Variants in DUSP18 observed in about 807,000 individuals in gnomAD.
DUSP18 encodes the protein dual specificity phosphatase 18, also known as dual specificity protein phosphatase 18.
Under a neutral mutation model 6.3 loss-of-function variants are expected in DUSP18, and 4 were observed. The ratio of observed to expected loss-of-function variants is 0.63; its 90% CI spans 0.31 to 1.45. DUSP18 has a LOEUF of 1.45. DUSP18 is among the 40% of genes most tolerant of loss of function. The pLI is 0.07. For synonymous variants in DUSP18, 96 were observed against 95.1 expected (o/e 1.01, Z -0.05); for missense variants, 235 against 247.7 (o/e 0.95, Z 0.34).
chr22:30,658,879 T>C (rs1417009134), downstream of DUSP18, among the ~76,000 whole-genome samples: 1 of 151,990 alleles, frequency 6.6e-6, no homozygotes, highest in Non-Finnish European at 1.5e-5. Context: ...GCGCGGTGGC[T>C]CACGCCTGTA....
At chr22:30,660,573 T>C (rs183534075), downstream of DUSP18, among the ~76,000 whole-genome samples, 3 of 152,306 alleles carry the variant, frequency 2.0e-5, no homozygotes, top group Admixed American at 1.3e-4. Context: ...CAGGACAGTA[T>C]GGTACAGAAA....
At chr22:30,658,555 G>A (rs948100479), downstream of DUSP18, among the ~76,000 whole-genome samples, 1 of 151,758 alleles carries the variant, frequency 6.6e-6, no homozygotes, top group Admixed American at 6.6e-5. Flanking sequence ...TGGCCCAAGA[G>A]TACACCCGCC....
At position 30,662,199 on chromosome 22, in the gene DUSP18, G is replaced by A. The variant is rs373828068; in HGVS notation, c.*1238C>T. On this transcript the variant is annotated 3_prime_UTR_variant, in exon 2 of 2. Coordinates refer to ENST00000334679, the MANE Select transcript of DUSP18 (RefSeq NM_152511.5). Reference sequence around the variant, plus strand: ...ATTCATGATGAGAGCTGCCATTTGCGCTAAGCACACACCATGTGCCAGGCA... The same window carrying A: ...ATTCATGATGAGAGCTGCCATTTGCACTAAGCACACACCATGTGCCAGGCA... 1.3e-5 allele frequency: 2 copies of A among 152,190 alleles called. No individual in the cohort carries two copies. The highest frequency in any genetic ancestry group is 4.8e-5 in the African/African-American group (2 of 41,436). 9.4% of individuals were successfully genotyped at this position (152,190 alleles called of 1,614,324 possible).
Position 30,663,765 on chromosome 22 carries a change from CA to C in DUSP18, c.238del (p.Cys80ValfsTer16), listed in dbSNP as rs751038688. ...PVADSPNSRLCDFFDPIADHI... is the reference protein window; with the variant it reads ...PVADSPNSRLXDFFDPIADHI... ...GTCAGCAATAGGGTCAAAGAAGTCA[CA>C]GAGACGTGAGTTAGGGGAGTCAGCC... On this transcript the variant is annotated frameshift_variant, in exon 2 of 2. Coordinates refer to ENST00000334679, the MANE Select transcript of DUSP18 (RefSeq NM_152511.5). LOFTEE classifies it high-confidence loss of function. The C allele has an allele frequency of 1.2e-6, 2 of 1,614,102 alleles. No homozygotes were observed. Among genetic ancestry groups the C allele is most frequent in the African/African-American group, 2.7e-5 (2 of 74,938 alleles).
In DUSP18 at chr22:30,663,690, G is replaced by C; in HGVS notation, c.314C>G (p.Ala105Gly). Residue 105 changes from alanine (A) to glycine (G), a missense_variant, in exon 2 of 2, where the codon GCT becomes GGT. Physicochemically the swap from Ala to Gly is moderately conservative, Grantham distance 60. Transcript: ENST00000334679. ...MKQGRTLLHC[A>G]AGVSRSAALC... ...GGCAGCTGAGCGGCTCACACCAGCA[G>C]CACAGTGCAGCAAAGTACGGCCCTG... The C allele has an allele frequency of 2.5e-6, 4 of 1,614,236 alleles. No homozygotes were observed. Among genetic ancestry groups the C allele is most frequent in the Non-Finnish European group, 3.4e-6 (4 of 1,180,042 alleles).
rs1322927017 is a variant in DUSP18 at position 30,663,752 on chromosome 22, G to T, written c.252C>A (p.Asp84Glu). ...CGCTGTGGATATGGTCAGCAATAGGGTCAAAGAAGTCACAGAGACGTGAGT... is the reference window on the plus strand; with the variant it reads ...CGCTGTGGATATGGTCAGCAATAGGTTCAAAGAAGTCACAGAGACGTGAGT... Reference protein sequence around the residue: ...SPNSRLCDFFDPIADHIHSVE... With the variant: ...SPNSRLCDFFEPIADHIHSVE... Residue 84 changes from aspartate to glutamate, a missense_variant, in exon 2 of 2, where the codon GAC becomes GAA. Physicochemically the swap from Asp to Glu is conservative, Grantham distance 45 (BLOSUM62 2). Transcript: ENST00000334679. The T allele has an allele frequency of 3.7e-6, 6 of 1,614,104 alleles. No individual in the cohort carries two copies.
downstream of DUSP18, among the ~76,000 whole-genome samples, chr22:30,656,702 G>C (rs1203462792): frequency 6.6e-6 from 1 of 152,168 alleles, no homozygotes; most frequent in Non-Finnish European, 1.5e-5. Context: ...AGAACAGTGT[G>C]AACTGTTTGG....
At chr22:30,655,826 AG>A (rs1277891566) in intron 2 of DUSP18, among the ~76,000 whole-genome samples, 1 of 152,152 alleles carries the variant, frequency 6.6e-6, no homozygotes, top group Non-Finnish European at 1.5e-5. Flanking sequence ...CAAAGCCAAG[AG>A]GTGGAAGAGT....
At chr22:30,666,619 C>T (rs537844275) in intron 1 of DUSP18, among the ~76,000 whole-genome samples, 500 of 23,410 alleles carry the variant, frequency 0.021, 6 homozygotes, top group Middle Eastern at 0.068. Context: ...GAGACTCCAT[C>T]TCAAAAAAAA....
Position 30,663,824 on chromosome 22 carries a change from C to G in DUSP18, c.180G>C (p.Leu60Phe). 2 of 1,614,216 alleles carry G rather than the reference C, an allele frequency of 1.2e-6. No individual in the cohort carries two copies. The highest frequency in any genetic ancestry group is 1.7e-6 in the Non-Finnish European group (2 of 1,180,038). ...INVSVEVVNT[L>F]YEDIQYMQVP... ...CCTGCATGTACTGGATATCCTCATA[C>G]AAGGTGTTCACTACCTCCACTGAGA... is the stretch of plus-strand genomic sequence containing the variant. Residue 60 changes from leucine to phenylalanine, a missense_variant, in exon 2 of 2, where the codon TTG becomes TTC. By Grantham distance (22) the Leu-to-Phe change is conservative (BLOSUM62 0). Coordinates refer to ENST00000334679, the MANE Select transcript of DUSP18 (RefSeq NM_152511.5).
At chr22:30,654,743 AGCC>A (rs1278123097) in intron 2 of DUSP18, 2 of 281,450 alleles carry the variant, frequency 7.1e-6, no homozygotes, top group Non-Finnish European at 1.4e-5. Flanking sequence ...CGGCCTGCTT[AGCC>A]ACCATGGCCC....
rs1217720415 is a variant in DUSP18, at chr22:30,666,040, C to T, written c.-78+1422G>A. Among the ~76,000 whole-genome samples the T allele has an allele frequency of 2.0e-5, 3 of 152,142 alleles. 1 individual carries two copies. The highest frequency in any genetic ancestry group is 1.3e-4 in the Admixed American group (2 of 15,284). On this transcript the variant is annotated intron_variant, in intron 1 of 1. Coordinates refer to ENST00000334679, the MANE Select transcript of DUSP18 (RefSeq NM_152511.5). Reference sequence around the variant, plus strand: ...GCCCCAGACTCAAATGCATCAGGCTCATTCCCGGAAGGACAGAGAGGGCTG... The same window carrying T: ...GCCCCAGACTCAAATGCATCAGGCTTATTCCCGGAAGGACAGAGAGGGCTG...
At chr22:30,652,787 C>T (rs2088248561) in intron 2 of DUSP18, among the ~76,000 whole-genome samples, 1 of 152,202 alleles carries the variant, frequency 6.6e-6, no homozygotes, top group African/African-American at 2.4e-5. Flanking sequence ...AACAAGAAAC[C>T]ACAAAGTCCT....
intron 2 of DUSP18, among the ~76,000 whole-genome samples, chr22:30,653,318 G>A (rs2088261915): frequency 2.0e-5 from 3 of 151,694 alleles, no homozygotes; most frequent in Admixed American, 2.0e-4. Flanking sequence ...TCAGTGTCTA[G>A]GTCTCCTGCT....
At chr22:30,657,542 T>G (rs1180455769), downstream of DUSP18, among the ~76,000 whole-genome samples, 1 of 151,714 alleles carries the variant, frequency 6.6e-6, no homozygotes, top group African/African-American at 2.4e-5. Flanking sequence ...GTAGATCACT[T>G]GAGCCCAGGA....
intron 1 of DUSP18, among the ~76,000 whole-genome samples, chr22:30,666,457 A>G (rs1284393376): frequency 6.6e-6 from 1 of 152,064 alleles, no homozygotes; most frequent in Non-Finnish European, 1.5e-5. Flanking sequence ...CCCCGTCTCT[A>G]CTAAAAATAC....
rs924189206 is a variant in DUSP18, at chr22:30,662,149, G to C, written c.*1288C>G. ...TATGGGGATGTGTGTGCCGACCTGG[G>C]ACCAGCAGGGTGAAAGAGTCTATCA... On this transcript the variant is annotated 3_prime_UTR_variant, in exon 2 of 2. Coordinates refer to ENST00000334679, the MANE Select transcript of DUSP18 (RefSeq NM_152511.5). 7 of 152,062 alleles carry C rather than the reference G, an allele frequency of 4.6e-5. No homozygotes were observed. Among genetic ancestry groups the C allele is most frequent in the Non-Finnish European group, 1.0e-4 (7 of 68,052 alleles). 9.4% of individuals were successfully genotyped at this position (152,062 alleles called of 1,614,324 possible). A position where few individuals can be genotyped will look rare whatever the true frequency, so the allele number is the denominator to read the frequency against.
At position 30,653,374 on chromosome 22, in the gene DUSP18, C is replaced by CT. The variant is rs892435016; in HGVS notation, c.*34-1078dup. On this transcript the variant is annotated intron_variant, in intron 2 of 2. Coordinates refer to the DUSP18 transcript ENST00000404885. ...ACCCTCATGTGCCCCCTTCCTCCTTCTTTTTTTTTTTTTTTGAGACAGAGT... is the reference window on the plus strand; with the variant it reads ...ACCCTCATGTGCCCCCTTCCTCCTTCTTTTTTTTTTTTTTTTGAGACAGAGT... Among the ~76,000 whole-genome samples the CT allele has an allele frequency of 4.1e-3, 579 of 142,562 alleles. 6 individuals carry two copies. The highest frequency in any genetic ancestry group is 0.012 in the South Asian group (54 of 4,490). 93.5% of individuals were successfully genotyped at this position (142,562 alleles called of 152,430 possible).
At chr22:30,657,689 G>A (rs2088369020), downstream of DUSP18, among the ~76,000 whole-genome samples, 2 of 151,536 alleles carry the variant, frequency 1.3e-5, no homozygotes, top group Admixed American at 1.3e-4. Context: ...TGGATCACGA[G>A]GTCAGGAGAT....
Sources: gnomAD v4.1 joint callset for allele counts (sites outside exome capture counted in the v4.1 genomes callset) on GRCh38, gnomAD v4.1.1 for gene constraint, MANE v1.5 for transcripts, NCBI Gene and HGNC (gene_info 2026-07-23, HGNC 2026-07-21) for gene names.